METTL15: variants seen among roughly 807,000 people sequenced by gnomAD.
The protein encoded by METTL15 is 12S rRNA N(4)-cytidine methyltransferase METTL15.
METTL15 carries 34 observed loss-of-function variants against 38.3 expected under a neutral mutation model. The ratio of observed to expected loss-of-function variants is 0.89; its 90% CI spans 0.68 to 1.18. METTL15 has a LOEUF of 1.18. Ranked by LOEUF, METTL15 falls within the 50% of genes most tolerant of loss-of-function variation. The pLI, the probability that METTL15 is intolerant of heterozygous loss-of-function variation, is 0.00. For synonymous variants in METTL15, 162 were observed against 170.9 expected, an observed-to-expected ratio of 0.95 and a Z score of 0.41; for missense variants, 438 against 498.4, an observed-to-expected ratio of 0.88 and a Z score of 1.15.
At chr11:28,444,015 T>C (rs1851055948) in intron 6 of METTL15, among the ~76,000 whole-genome samples, 1 of 152,222 alleles carries the variant, frequency 6.6e-6, no homozygotes, top group South Asian at 2.1e-4. Context: ...TTTCAATTTT[T>C]CATGTAATTA....
intron 6 of METTL15, among the ~76,000 whole-genome samples, chr11:28,308,649 C>T (rs1857162165): frequency 6.6e-6 from 1 of 152,092 alleles, no homozygotes; most frequent in African/African-American, 2.4e-5. Flanking sequence ...GAGCCGGATG[C>T]ACCCTATAAT....
intron 4 of METTL15, among the ~76,000 whole-genome samples, chr11:28,237,385 T>G (rs1292695261): frequency 6.6e-6 from 1 of 152,238 alleles, no homozygotes; most frequent in Non-Finnish European, 1.5e-5. Flanking sequence ...TTCTTCCAAT[T>G]GATCGCATTG....
At chr11:28,508,360 C>T (rs1851646828) in intron 6 of METTL15, among the ~76,000 whole-genome samples, 2 of 152,172 alleles carry the variant, frequency 1.3e-5, no homozygotes, top group South Asian at 4.1e-4. Context: ...AGCTGCCTAA[C>T]AAATACTTTT....
intron 5 of METTL15, 140 bp from the exon 6 acceptor site, chr11:28,296,612 AG>A: frequency 1.3e-6 from 1 of 741,572 alleles, no homozygotes; most frequent in Non-Finnish European, 2.2e-6. Flanking sequence ...CATTTGTTTA[AG>A]GTTTCAGTTT....
intron 6 of METTL15, among the ~76,000 whole-genome samples, chr11:28,481,308 C>G (rs889327774): frequency 9.9e-5 from 15 of 152,146 alleles, no homozygotes; most frequent in Non-Finnish European, 2.2e-4. Context: ...GACTTCTGAC[C>G]TCCAGAACTA....
intron 3 of METTL15, among the ~76,000 whole-genome samples, chr11:28,161,648 T>C (rs1850468022): frequency 6.6e-6 from 1 of 152,148 alleles, no homozygotes; most frequent in South Asian, 2.1e-4. Flanking sequence ...TGTAATATTA[T>C]ACTAATTGTC....
intron 5 of METTL15, 49 bp downstream of exon 5, chr11:28,290,446 A>T: frequency 6.5e-7 from 1 of 1,534,856 alleles, no homozygotes. Context: ...TCAATTTGTC[A>T]AAAACACTCT....
At chr11:28,348,820 C>T (rs1001030137) in intron 3 of METTL15, among the ~76,000 whole-genome samples, 3 of 152,144 alleles carry the variant, frequency 2.0e-5, no homozygotes, top group South Asian at 2.1e-4. Flanking sequence ...ACTTTGGCCA[C>T]TGGGAGCCAG....
rs1365079083 is a variant in METTL15, at chr11:28,390,067, T to G, written c.*358+28031T>G. Reference sequence around the variant, plus strand: ...GTCTGTTCATATCCTTTGCCCACTTTTTGATGGGGTTGTTTTTTTCTTGTA... The same window carrying G: ...GTCTGTTCATATCCTTTGCCCACTTGTTGATGGGGTTGTTTTTTTCTTGTA... On this transcript the variant is annotated intron_variant and NMD_transcript_variant, in intron 5 of 7. Coordinates refer to the METTL15 transcript ENST00000532947. Among the ~76,000 whole-genome samples the G allele has an allele frequency of 4.6e-5, 7 of 151,070 alleles. No homozygotes were observed. The East Asian group carries it at 5.8e-4, about 13-fold the overall frequency.
intron 4 of METTL15, among the ~76,000 whole-genome samples, chr11:28,229,390 C>G (rs1853599543): frequency 6.6e-6 from 1 of 151,890 alleles, no homozygotes; most frequent in African/African-American, 2.4e-5. Context: ...TGGCATCTGC[C>G]TTTTGTTATA....
At chr11:28,335,636 C>T (rs906131298), downstream of METTL15, among the ~76,000 whole-genome samples, 2 of 152,124 alleles carry the variant, frequency 1.3e-5, no homozygotes, top group Non-Finnish European at 2.9e-5. Context: ...TCATGAATGG[C>T]TTAATGCTGT....
At chr11:28,442,908 G>A (rs906804550) in intron 6 of METTL15, among the ~76,000 whole-genome samples, 69 of 152,074 alleles carry the variant, frequency 4.5e-4, no homozygotes, top group African/African-American at 1.5e-3. Flanking sequence ...GTTCATTATA[G>A]TAATATTGGA....
chr11:28,428,721 A>G (rs1590370954), intron 6 of METTL15, among the ~76,000 whole-genome samples: 1 of 152,194 alleles, frequency 6.6e-6, no homozygotes, highest in Admixed American at 6.5e-5. Flanking sequence ...GACTGCTCAT[A>G]TGGCACATAA....
At chr11:28,430,953 C>T (rs1211100436) in intron 6 of METTL15, among the ~76,000 whole-genome samples, 16 of 96,352 alleles carry the variant, frequency 1.7e-4, no homozygotes, top group South Asian at 3.7e-4. Flanking sequence ...AGGTGAGGGG[C>T]GCCTCTGCCC....
chr11:28,263,313 T>C (rs1250748092), intron 4 of METTL15, among the ~76,000 whole-genome samples: 1 of 152,096 alleles, frequency 6.6e-6, no homozygotes, highest in East Asian at 1.9e-4. Flanking sequence ...CTCTCTATCG[T>C]TCACATATTA....
chr11:28,468,267 T>A (rs1851274245), intron 6 of METTL15, among the ~76,000 whole-genome samples: 1 of 152,126 alleles, frequency 6.6e-6, no homozygotes, highest in Non-Finnish European at 1.5e-5. Flanking sequence ...TTTTTTCTAG[T>A]CACAAATTCT....
At chr11:28,470,699 G>A (rs1470438055) in intron 6 of METTL15, among the ~76,000 whole-genome samples, 1 of 152,040 alleles carries the variant, frequency 6.6e-6, no homozygotes, top group Non-Finnish European at 1.5e-5. Context: ...AACTGAAGTG[G>A]TATCTTAGCT....
intron 4 of METTL15, among the ~76,000 whole-genome samples, chr11:28,221,467 T>C (rs149706013): frequency 7.1e-4 from 108 of 152,264 alleles, no homozygotes; most frequent in African/African-American, 2.3e-3. Flanking sequence ...TTCATCTAAT[T>C]TTTTTTCAAG....
intron 4 of METTL15, among the ~76,000 whole-genome samples, chr11:28,238,296 G>A (rs1280456765): frequency 1.3e-5 from 2 of 152,140 alleles, no homozygotes; most frequent in Non-Finnish European, 2.9e-5. Context: ...TTACCTAAGG[G>A]AGCCTGGGCA....
Sources: allele counts gnomAD v4.1 joint callset (sites outside exome capture counted in the v4.1 genomes callset), GRCh38; gene constraint gnomAD v4.1.1; transcripts MANE v1.5; gene names NCBI Gene and HGNC (gene_info 2026-07-23, HGNC 2026-07-21).